Variants in INPP4B observed in about 807,000 individuals in gnomAD.
The protein encoded by INPP4B is inositol polyphosphate 4-phosphatase type II.
INPP4B carries 55 observed loss-of-function variants against 122.5 expected under a neutral mutation model. The ratio of observed to expected loss-of-function variants is 0.45; its 90% CI spans 0.36 to 0.56. The LOEUF (loss-of-function observed/expected upper bound fraction) is 0.56. Among genes scored for constraint, INPP4B ranks in the 20% least tolerant of loss-of-function variants. The pLI is 0.00. For missense variants in INPP4B, 1,000 were observed against 1,097.7 expected (o/e 0.91, Z 1.26); for synonymous variants, 403 against 388.7 (o/e 1.04, Z -0.43).
chr4:142,372,669 G>C (rs1195827186), intron 7 of INPP4B, among the ~76,000 whole-genome samples: 1 of 152,006 alleles, frequency 6.6e-6, no homozygotes, highest in Non-Finnish European at 1.5e-5. Flanking sequence ...TTTCCAGTAC[G>C]ACTTCTGACA....
At chr4:142,465,728 C>T (rs374929766) in intron 2 of INPP4B, among the ~76,000 whole-genome samples, 29 of 152,210 alleles carry the variant, frequency 1.9e-4, no homozygotes, top group East Asian at 5.8e-4. Flanking sequence ...GGAAGGTGAC[C>T]GGATCCTGGG....
intron 9 of INPP4B, among the ~76,000 whole-genome samples, chr4:142,278,838 G>C (rs1309127578): frequency 6.6e-6 from 1 of 152,008 alleles, no homozygotes; most frequent in African/African-American, 2.4e-5. Flanking sequence ...ATACTGAAAA[G>C]TATGTAAGAG....
chr4:142,812,937 AG>A (rs1334371966), intron 1 of INPP4B, among the ~76,000 whole-genome samples: 1 of 152,216 alleles, frequency 6.6e-6, no homozygotes, highest in Non-Finnish European at 1.5e-5. Context: ...AAAAAATAAA[AG>A]GCTTTGCTAT....
At chr4:142,389,491 T>C (rs1312905095) in intron 7 of INPP4B, among the ~76,000 whole-genome samples, 1 of 152,220 alleles carries the variant, frequency 6.6e-6, no homozygotes, top group Admixed American at 6.5e-5. Context: ...GTTTTTAAGA[T>C]TGTTAGTAAA....
intron 2 of INPP4B, among the ~76,000 whole-genome samples, chr4:142,599,431 C>T (rs1739402908): frequency 6.6e-6 from 1 of 152,102 alleles, no homozygotes; most frequent in Non-Finnish European, 1.5e-5. Flanking sequence ...TATTTACAGC[C>T]ACAAAAAATC....
chr4:142,154,846 G>A (rs1301197288), intron 17 of INPP4B, among the ~76,000 whole-genome samples: 1 of 152,062 alleles, frequency 6.6e-6, no homozygotes, highest in Non-Finnish European at 1.5e-5. Context: ...CTGTGTGAAT[G>A]CAACAGTGAA....
chr4:142,619,809 A>G (rs1325099598), intron 2 of INPP4B, among the ~76,000 whole-genome samples: 1 of 152,000 alleles, frequency 6.6e-6, no homozygotes, highest in African/African-American at 2.4e-5. Flanking sequence ...TGAATATGAG[A>G]TTAGAGATTA....
intron 16 of INPP4B, among the ~76,000 whole-genome samples, chr4:142,164,542 G>A (rs969217257): frequency 6.6e-6 from 1 of 151,698 alleles, no homozygotes; most frequent in African/African-American, 2.4e-5. Flanking sequence ...CTAAAGGAAA[G>A]CATGTTAGAC....
intron 1 of INPP4B, among the ~76,000 whole-genome samples, chr4:142,794,746 A>G (rs1171000046): frequency 1.3e-5 from 2 of 151,834 alleles, no homozygotes. Flanking sequence ...ATGCCAATCA[A>G]TTAAACAATG....
At chr4:142,415,703 C>T (rs1331157937) in intron 5 of INPP4B, among the ~76,000 whole-genome samples, 15 of 152,026 alleles carry the variant, frequency 9.9e-5, no homozygotes, top group Admixed American at 2.6e-4. Context: ...CACGTGCACA[C>T]GTATGTTTAT....
In INPP4B at chr4:142,154,844, A is replaced by T. The variant is rs192886775; in HGVS notation, c.1563+5514T>A. Among the ~76,000 whole-genome samples, 129 of 152,244 alleles carry T rather than the reference A, an allele frequency of 8.5e-4. 2 individuals are homozygous for T. Among genetic ancestry groups the T allele is most frequent in the Admixed American group, 7.9e-4 (12 of 15,278 alleles). ...TTCACATGCTCCACTAACTGTGTGA[A>T]TGCAACAGTGAATGAGACATTGTTT... On this transcript the variant is annotated intron_variant, in intron 17 of 25. Coordinates refer to ENST00000262992, the MANE Select transcript of INPP4B (RefSeq NM_001101669.3).
intron 12 of INPP4B, among the ~76,000 whole-genome samples, chr4:142,224,684 A>G (rs1015518433): frequency 1.3e-5 from 2 of 152,154 alleles, no homozygotes; most frequent in African/African-American, 4.8e-5. Context: ...GATTTAGGAT[A>G]TAGATACATA....
intron 11 of INPP4B, among the ~76,000 whole-genome samples, chr4:142,253,334 A>C (rs1044921232): frequency 2.0e-5 from 3 of 152,156 alleles, no homozygotes; most frequent in African/African-American, 7.2e-5. Flanking sequence ...TTCTTCAATA[A>C]TAAATTAACA....
At chr4:142,244,092 T>C (rs1414791223) in intron 11 of INPP4B, among the ~76,000 whole-genome samples, 1 of 150,908 alleles carries the variant, frequency 6.6e-6, no homozygotes, top group Non-Finnish European at 1.5e-5. Flanking sequence ...TCCCAGTGTG[T>C]GATGTTTCCC....
At chr4:142,756,827 G>A (rs1770586837) in intron 1 of INPP4B, among the ~76,000 whole-genome samples, 1 of 151,964 alleles carries the variant, frequency 6.6e-6, no homozygotes, top group Admixed American at 6.6e-5. Context: ...TGATAATATA[G>A]AATAATGTCT....
chr4:142,175,709 C>G (rs1345387937), intron 15 of INPP4B, among the ~76,000 whole-genome samples: 1 of 152,004 alleles, frequency 6.6e-6, no homozygotes, highest in Admixed American at 6.6e-5. Context: ...GTGGTTGAGA[C>G]AGATCTCATG....
intron 21 of INPP4B, among the ~76,000 whole-genome samples, chr4:142,119,012 A>G (rs1795212001): frequency 6.6e-6 from 1 of 152,240 alleles, no homozygotes; most frequent in South Asian, 2.1e-4. Flanking sequence ...TCTCAAAAGA[A>G]GACATTTATG....
At chr4:142,570,942 G>T (rs773668683) in intron 2 of INPP4B, among the ~76,000 whole-genome samples, 2 of 151,650 alleles carry the variant, frequency 1.3e-5, no homozygotes, top group African/African-American at 4.8e-5. Flanking sequence ...TTCTAAGGTT[G>T]CATCTTATAA....
rs542694286 is a variant in INPP4B at position 142,822,707 on chromosome 4, G to T, written c.-254+23502C>A. On this transcript the variant is annotated intron_variant, in intron 1 of 25. Coordinates refer to ENST00000262992, the MANE Select transcript of INPP4B (RefSeq NM_001101669.3). ...TAGGAACCACTGTCTTAAAGGACCA[G>T]ACAAAATATATTGCCTTCTGTTACA... Among the ~76,000 whole-genome samples the T allele has an allele frequency of 2.0e-5, 3 of 152,248 alleles. No individual in the cohort carries two copies. The East Asian group carries it at 5.8e-4, about 29-fold the overall frequency.
Sources: allele counts gnomAD v4.1 joint callset (sites outside exome capture counted in the v4.1 genomes callset), GRCh38; gene constraint gnomAD v4.1.1; transcripts MANE v1.5; gene names NCBI Gene and HGNC (gene_info 2026-07-23, HGNC 2026-07-21).